Variants in TFCP2 observed in about 807,000 individuals in gnomAD.
The protein encoded by TFCP2 is transcription factor CP2.
TFCP2 carries 33 observed loss-of-function variants against 73.4 expected under a neutral mutation model. The ratio of observed to expected loss-of-function variants is 0.45; its 90% CI spans 0.34 to 0.60. The LOEUF (loss-of-function observed/expected upper bound fraction) is 0.60, where lower values mean the gene tolerates loss of function less well. Among genes scored for constraint, TFCP2 ranks in the 20% least tolerant of loss-of-function variants. TFCP2 has a pLI of 0.01. For synonymous variants in TFCP2, 193 were observed against 211.6 expected (o/e 0.91, Z 0.76); for missense variants, 352 against 604.0 (o/e 0.58, Z 4.37).
At chr12:51,115,697 C>T (rs1940518413) in intron 4 of TFCP2, among the ~76,000 whole-genome samples, 1 of 152,130 alleles carries the variant, frequency 6.6e-6, no homozygotes, top group Admixed American at 6.5e-5. Context: ...TATATACACA[C>T]AATGGAGTAT....
At chr12:51,133,283 C>T (rs1356606900) in intron 1 of TFCP2, among the ~76,000 whole-genome samples, 1 of 152,072 alleles carries the variant, frequency 6.6e-6, no homozygotes, top group Non-Finnish European at 1.5e-5. Flanking sequence ...TTTTACTACA[C>T]TGCCAATAAA....
intron 1 of TFCP2, among the ~76,000 whole-genome samples, chr12:51,168,501 T>C (rs1415438476): frequency 6.6e-6 from 1 of 152,126 alleles, no homozygotes; most frequent in African/African-American, 2.4e-5. Context: ...TTTTGTTTTT[T>C]TGAGACAGGG....
chr12:51,145,592 A>T (rs1455620720), intron 1 of TFCP2, among the ~76,000 whole-genome samples: 3 of 128,128 alleles, frequency 2.3e-5, no homozygotes, highest in African/African-American at 8.7e-5. Context: ...AAAAAAAAAA[A>T]AGATTTTCTT....
chr12:51,169,803 G>A (rs920725589), intron 1 of TFCP2, among the ~76,000 whole-genome samples: 5 of 152,180 alleles, frequency 3.3e-5, no homozygotes, highest in African/African-American at 1.2e-4. Flanking sequence ...TGAAACTTGT[G>A]CATTTGATTT....
At chr12:51,155,950 G>T (rs553231491) in intron 1 of TFCP2, among the ~76,000 whole-genome samples, 2 of 151,776 alleles carry the variant, frequency 1.3e-5, no homozygotes, top group South Asian at 4.1e-4. Flanking sequence ...GCTTTGGCAC[G>T]AGATTCATTT....
intron 14 of TFCP2, 90 bp downstream of exon 14, chr12:51,095,899 T>C: frequency 1.0e-6 from 1 of 993,044 alleles, no homozygotes; most frequent in Non-Finnish European, 1.5e-6. Context: ...ATGGTTACTT[T>C]TCCTATCTCT....
Position 51,126,324 on chromosome 12 carries a change from A to G in TFCP2, c.123-7552T>C, listed in dbSNP as rs142099040. On this transcript the variant is annotated intron_variant, in intron 1 of 14. Coordinates refer to ENST00000257915, the MANE Select transcript of TFCP2 (RefSeq NM_005653.5). Reference sequence around the variant, plus strand: ...TGTATGTTAAAAATGTATACCCCTAAATGGAAATCCACACCTCAGCATGGA... The same window carrying G: ...TGTATGTTAAAAATGTATACCCCTAGATGGAAATCCACACCTCAGCATGGA... Among the ~76,000 whole-genome samples, 474 of 152,216 alleles carry G rather than the reference A, an allele frequency of 3.1e-3. 5 individuals carry two copies. Among genetic ancestry groups the G allele is most frequent in the African/African-American group, 0.011 (449 of 41,514 alleles).
At chr12:51,132,094 G>A (rs892310010) in intron 1 of TFCP2, among the ~76,000 whole-genome samples, 1 of 151,992 alleles carries the variant, frequency 6.6e-6, no homozygotes, top group Non-Finnish European at 1.5e-5. Context: ...GCTTGTGGGG[G>A]AAATGAATAT....
At chr12:51,130,832 T>C (rs1395001457) in intron 1 of TFCP2, among the ~76,000 whole-genome samples, 2 of 145,026 alleles carry the variant, frequency 1.4e-5, no homozygotes, top group African/African-American at 5.1e-5. Context: ...ACTGAAAATA[T>C]AAAAACTAGC....
chr12:51,150,594 G>C (rs570225598), intron 1 of TFCP2, among the ~76,000 whole-genome samples: 2 of 152,070 alleles, frequency 1.3e-5, no homozygotes, highest in South Asian at 4.1e-4. Context: ...AGTAACAACT[G>C]ACCAACTCTG....
At chr12:51,109,076 G>A (rs1164035824) in intron 6 of TFCP2, 45 bp downstream of exon 6, 3 of 1,586,488 alleles carry the variant, frequency 1.9e-6, no homozygotes, top group Non-Finnish European at 2.6e-6. Context: ...AAAATAGAAT[G>A]ATAAGGTAAA....
chr12:51,125,899 C>T (rs903925881), intron 1 of TFCP2, among the ~76,000 whole-genome samples: 1 of 152,084 alleles, frequency 6.6e-6, no homozygotes, highest in Non-Finnish European at 1.5e-5. Context: ...AGATCAAGAC[C>T]ATCCTGGTCA....
At chr12:51,157,301 C>T (rs189706801) in intron 1 of TFCP2, among the ~76,000 whole-genome samples, 22 of 152,126 alleles carry the variant, frequency 1.4e-4, no homozygotes, top group Non-Finnish European at 8.8e-5. Context: ...GGATTACAGG[C>T]GTGAGACACT....
In TFCP2 at chr12:51,107,967, ATG is replaced by A. The variant is rs1199866046; in HGVS notation, c.718-623_718-622del. On this transcript the variant is annotated intron_variant, in intron 6 of 14. Transcript: ENST00000257915. Reference sequence around the variant, plus strand: ...AAAGAAAATATGTATATAGCTATGTATGTGTGTGTATAAAAGCATAGGAAGGA... The same window carrying A: ...AAAGAAAATATGTATATAGCTATGTATGTGTGTATAAAAGCATAGGAAGGA... 4.6e-5 allele frequency among the ~76,000 whole-genome samples: 7 copies of A among 150,566 alleles called. No homozygotes were observed. In the East Asian group the frequency reaches 1.4e-3, roughly 30 times the overall value.
At chr12:51,153,490 C>T (rs1165825111) in intron 1 of TFCP2, among the ~76,000 whole-genome samples, 2 of 151,776 alleles carry the variant, frequency 1.3e-5, no homozygotes, top group East Asian at 1.9e-4. Context: ...CTATTAAGTA[C>T]GTTCACCACT....
chr12:51,095,869 G>A, intron 14 of TFCP2, 120 bp downstream of exon 14: 1 of 324,706 alleles, frequency 3.1e-6, no homozygotes, highest in Non-Finnish European at 5.6e-6. Flanking sequence ...CTCTAATATT[G>A]TCACTTTCTT....
At chr12:51,141,496 A>G (rs1353352996) in intron 1 of TFCP2, among the ~76,000 whole-genome samples, 2 of 152,060 alleles carry the variant, frequency 1.3e-5, no homozygotes, top group Non-Finnish European at 2.9e-5. Flanking sequence ...TCTTGCAAGG[A>G]TCTTCTTTGT....
Position 51,093,769 on chromosome 12 carries a change from C to A in TFCP2, c.*1472G>T, listed in dbSNP as rs1311414414. 1 of 152,056 alleles carries A rather than the reference C, an allele frequency of 6.6e-6. No homozygotes were observed. Among genetic ancestry groups the A allele is most frequent in the Admixed American group, 6.6e-5 (1 of 15,236 alleles). The allele number at this position is 152,056 out of a possible 1,614,324, so 9.4% of individuals were successfully genotyped here. A position where few individuals can be genotyped will look rare whatever the true frequency, so the allele number is the denominator to read the frequency against. On this transcript the variant is annotated 3_prime_UTR_variant, in exon 15 of 15. Transcript: ENST00000257915. ...AACCAAGAGAAATTAGACCATGATG[C>A]AGATTGAGTTTAATGAACAAAAATC...
chr12:51,116,598 T>G (rs796948876), intron 3 of TFCP2, among the ~76,000 whole-genome samples, 178 bp from the exon 4 acceptor site: 45 of 152,100 alleles, frequency 3.0e-4, no homozygotes, highest in African/African-American at 9.9e-4. Flanking sequence ...AGGATAAAAT[T>G]TTATAATTTC....
Sources: gnomAD v4.1 joint callset for allele counts (sites outside exome capture counted in the v4.1 genomes callset) on GRCh38, gnomAD v4.1.1 for gene constraint, MANE v1.5 for transcripts, NCBI Gene and HGNC (gene_info 2026-07-23, HGNC 2026-07-21) for gene names.